Variants in NOX5 observed in about 807,000 individuals in gnomAD.
NOX5 encodes NADPH oxidase, EF-hand calcium binding domain 5.
Under a neutral mutation model 85.7 loss-of-function variants are expected in NOX5, and 76 were observed. The ratio of observed to expected loss-of-function variants is 0.89; its 90% CI spans 0.74 to 1.07. The LOEUF is 1.07. Ranked by LOEUF, NOX5 falls within the 50% of genes least tolerant of loss-of-function variation. NOX5 has a pLI of 0.00. For missense variants in NOX5, 973 were observed against 999.5 expected (o/e 0.97, Z 0.36); for synonymous variants, 405 against 401.4 (o/e 1.01, Z -0.11).
chr15:69,042,781 G>A lies in NOX5; in HGVS notation c.1623G>A (p.Met541Ile), dbSNP rs756943834. The A allele has an allele frequency of 6.2e-7, 1 of 1,614,108 alleles. No individual in the cohort carries two copies. Among genetic ancestry groups the A allele is most frequent in the Admixed American group, 1.7e-5 (1 of 60,022 alleles). Residue 541 changes from methionine (M) to isoleucine (I), a missense_variant, in exon 10 of 16, where the codon ATG becomes ATA. By Grantham distance (10) the Met-to-Ile change is conservative. Coordinates refer to ENST00000388866, the MANE Select transcript of NOX5 (RefSeq NM_024505.4). Reference protein sequence around the residue: ...GSKRLSRSVTMRKSQRSSKGS... With the variant: ...GSKRLSRSVTIRKSQRSSKGS... ...AGAGGCTGTCGAGGAGTGTGACAAT[G>A]AGAAAGAGTCAAAGGTCGTCCAAGG...
At chr15:69,033,692 C>CTT (rs1567098660) in intron 5 of NOX5, among the ~76,000 whole-genome samples, 2 of 136,348 alleles carry the variant, frequency 1.5e-5, no homozygotes, top group African/African-American at 2.9e-5. Context: ...TTTTTTCTTT[C>CTT]TTTTTTTTCT....
intron 10 of NOX5, 104 bp downstream of exon 10, chr15:69,042,909 G>A: frequency 8.0e-7 from 1 of 1,249,792 alleles, no homozygotes. Flanking sequence ...CAACTGCTGT[G>A]TACATAGATG....
chr15:69,031,947 T>C (rs1025924668), intron 4 of NOX5, 135 bp downstream of exon 4: 10 of 842,978 alleles, frequency 1.2e-5, no homozygotes, highest in Non-Finnish European at 1.8e-5. Flanking sequence ...TAGCCCACTC[T>C]TGAGTGTACT....
chr15:69,028,327 A>T lies in NOX5; in HGVS notation c.287A>T (p.Asp96Val). 1.9e-6 allele frequency: 3 copies of T among 1,612,256 alleles called. No individual in the cohort carries two copies. The highest frequency in any genetic ancestry group is 2.5e-6 in the Non-Finnish European group (3 of 1,179,058). Residue 96 changes from aspartate (D) to valine (V), a missense_variant, in exon 3 of 16, where the codon GAC becomes GTC. Transcript: ENST00000388866. Reference sequence around the variant, plus strand: ...CTGCTCATCCATGGCAGCCCCATGGACAAACTCAAATTCCTCTTCCAGGTG... The same window carrying T: ...CTGCTCATCCATGGCAGCCCCATGGTCAAACTCAAATTCCTCTTCCAGGTG... ...LTLLIHGSPM[D>V]KLKFLFQVYD...
chr15:69,035,998 G>A (rs1595779397), intron 7 of NOX5, 62 bp downstream of exon 7: 3 of 1,596,116 alleles, frequency 1.9e-6, no homozygotes, highest in Non-Finnish European at 2.6e-6. Context: ...ATTTCTTTCT[G>A]TGTCCCCTCT....
intron 3 of NOX5, 113 bp from the exon 4 acceptor site, chr15:69,031,405 C>A: frequency 8.1e-7 from 1 of 1,232,532 alleles, no homozygotes; most frequent in East Asian, 2.4e-5. Context: ...TGGAAGGTTT[C>A]TGAGCTGAGG....
chr15:69,036,992 A>T, intron 7 of NOX5, 36 bp from the exon 8 acceptor site: 22 of 1,477,326 alleles, frequency 1.5e-5, no homozygotes, highest in Non-Finnish European at 1.8e-5. Flanking sequence ...CCAGGCCTTG[A>T]GCTCTGGAAG....
chr15:69,038,743 G>A lies in NOX5; in HGVS notation c.1372-114G>A, dbSNP rs542078462. 999 of 1,424,414 alleles carry A rather than the reference G, an allele frequency of 7.0e-4. 7 individuals carry two copies. The South Asian group carries it at 0.011, about 16-fold the overall frequency. 88.2% of individuals were successfully genotyped at this position (1,424,414 alleles called of 1,614,324 possible). On this transcript the variant is annotated intron_variant, in intron 8 of 15. Transcript: ENST00000388866. ...AAGCACAGAAGAGTGTCATGTCTCG[G>A]GGCATGCCTGTTTTATGGAGGAGGA...
chr15:69,054,678 C>T (rs998446383), intron 14 of NOX5, among the ~76,000 whole-genome samples: 16 of 152,260 alleles, frequency 1.1e-4, no homozygotes, highest in African/African-American at 3.6e-4. Flanking sequence ...TGTCCCAGAC[C>T]TAACCCAGTC....
chr15:69,047,185 G>A (rs2050684555), intron 11 of NOX5: 1 of 605,988 alleles, frequency 1.7e-6, no homozygotes. Context: ...TTGGGTCCTT[G>A]TTTTCACTAG....
At chr15:69,048,595 CAT>C (rs2050706095) in intron 13 of NOX5, among the ~76,000 whole-genome samples, 1 of 151,942 alleles carries the variant, frequency 6.6e-6, no homozygotes. Flanking sequence ...ATAATGGAAA[CAT>C]GTTTGCCTTT....
At chr15:69,017,775 TACAC>T (rs35677555) in intron 1 of NOX5, among the ~76,000 whole-genome samples, 4,626 of 146,806 alleles carry the variant, frequency 0.032, 95 homozygotes, top group African/African-American at 0.056. Context: ...ATATATTTTA[TACAC>T]ACACACACAC....
chr15:69,033,700 T>C (rs1247724440), intron 5 of NOX5, among the ~76,000 whole-genome samples: 2 of 144,712 alleles, frequency 1.4e-5, no homozygotes, highest in African/African-American at 2.7e-5. Context: ...TTCTTTTTTT[T>C]CTTTTTTTTT....
In NOX5 at chr15:69,060,769, G is replaced by A. The variant is rs928433850; in HGVS notation, c.*4073G>A. The A allele has an allele frequency of 6.6e-6, 1 of 152,236 alleles. No homozygotes were observed. The highest frequency in any genetic ancestry group is 2.4e-5 in the African/African-American group (1 of 41,466). The allele number at this position is 152,236 out of a possible 1,614,324, so 9.4% of individuals were successfully genotyped here. A position where few individuals can be genotyped will look rare whatever the true frequency, so the allele number is the denominator to read the frequency against. Reference sequence around the variant, plus strand: ...ATAACACAGAAAATAAATGACATATGTATATCATGTGGGGATAAATAGATA... The same window carrying A: ...ATAACACAGAAAATAAATGACATATATATATCATGTGGGGATAAATAGATA... On this transcript the variant is annotated 3_prime_UTR_variant, in exon 16 of 16. Coordinates refer to ENST00000388866, the MANE Select transcript of NOX5 (RefSeq NM_024505.4).
chr15:69,047,540 G>A lies in NOX5; in HGVS notation c.1817+3G>A, dbSNP rs1414830030. On this transcript the variant is annotated splice_donor_region_variant and intron_variant, in intron 12 of 15. Coordinates refer to ENST00000388866, the MANE Select transcript of NOX5 (RefSeq NM_024505.4). Reference sequence around the variant, plus strand: ...ATTCTGCAGAGTATCATGTACAGGTGGGTGAACAGTGTGCTCCTGCCTGCA... The same window carrying A: ...ATTCTGCAGAGTATCATGTACAGGTAGGTGAACAGTGTGCTCCTGCCTGCA... 1 of 1,613,192 alleles carries A rather than the reference G, an allele frequency of 6.2e-7. No homozygotes were observed. Among genetic ancestry groups the A allele is most frequent in the Non-Finnish European group, 8.5e-7 (1 of 1,179,644 alleles).
chr15:69,062,631 A>T lies in NOX5; in HGVS notation c.*5935A>T, dbSNP rs2050881379. 6.6e-6 allele frequency: 1 copy of T among 152,188 alleles called. No homozygotes were observed. The highest frequency in any genetic ancestry group is 2.1e-4 in the South Asian group (1 of 4,820). The allele number at this position is 152,188 out of a possible 1,614,324, so 9.4% of individuals were successfully genotyped here. A position where few individuals can be genotyped will look rare whatever the true frequency, so the allele number is the denominator to read the frequency against. The stretch of plus-strand genomic sequence containing the variant: ...CAAGCCTTTGCTTCTGCATCGCCTG[A>T]CACTTGGAGCACCCTTCTCCACTTT... On this transcript the variant is annotated 3_prime_UTR_variant, in exon 16 of 16. Transcript: ENST00000388866.
intron 8 of NOX5, chr15:69,037,460 T>G: frequency 2.0e-6 from 1 of 511,490 alleles, no homozygotes; most frequent in Non-Finnish European, 3.5e-6. Context: ...AACAGTCTCC[T>G]TCAGCTCAGT....
At position 69,062,400 on chromosome 15, in the gene NOX5, G is replaced by A. The variant is rs1444523828; in HGVS notation, c.*5704G>A. The A allele has an allele frequency of 6.6e-6, 1 of 152,050 alleles. No homozygotes were observed. Among genetic ancestry groups the A allele is most frequent in the Non-Finnish European group, 1.5e-5 (1 of 68,050 alleles). The allele number at this position is 152,050 out of a possible 1,614,324, so 9.4% of individuals were successfully genotyped here. On this transcript the variant is annotated 3_prime_UTR_variant, in exon 16 of 16. Coordinates refer to ENST00000388866, the MANE Select transcript of NOX5 (RefSeq NM_024505.4). ...CTGACTGCACACCTTCTTTTTGGAG[G>A]ACTCTCCTATTATAGCCATCAAACT...
chr15:69,052,853 TATTA>T (rs1439219026), intron 14 of NOX5, among the ~76,000 whole-genome samples: 3 of 152,348 alleles, frequency 2.0e-5, no homozygotes, highest in African/African-American at 4.8e-5. Context: ...CTTTTACGTA[TATTA>T]ATTCATTAGA....
Sources: allele counts gnomAD v4.1 joint callset (sites outside exome capture counted in the v4.1 genomes callset), GRCh38; gene constraint gnomAD v4.1.1; transcripts MANE v1.5; gene names NCBI Gene and HGNC (gene_info 2026-07-23, HGNC 2026-07-21).